KIRREL3: variants seen among roughly 807,000 people sequenced by gnomAD.
KIRREL3 encodes kirre like nephrin family adhesion molecule 3, also known as kin of IRRE-like protein 3.
Under a neutral mutation model 89.7 loss-of-function variants are expected in KIRREL3, and 36 were observed. The observed-to-expected ratio is 0.40, with a 90% CI of 0.31 to 0.53. The LOEUF (loss-of-function observed/expected upper bound fraction) is 0.53, where lower values mean the gene tolerates loss of function less well. Among genes scored for constraint, KIRREL3 ranks in the 20% least tolerant of loss-of-function variants. KIRREL3 has a pLI of 0.49. For synonymous variants in KIRREL3, 445 were observed against 441.4 expected (o/e 1.01, Z -0.10); for missense variants, 864 against 1,056.6 (o/e 0.82, Z 2.53).
In KIRREL3 at chr11:126,624,330, C is replaced by G. The variant is rs937613768; in HGVS notation, c.56-61418G>C. ...TTCTTGTCTTCTCCTCTGATTTCCA[C>G]TAGGAAAAAACAAAACAAAACAAAA... On this transcript the variant is annotated intron_variant, in intron 1 of 16. Transcript: ENST00000525144. The surrounding 1 kb of genome is among the most constrained non-coding windows in gnomAD (Gnocchi z 6.0). 2.6e-5 allele frequency among the ~76,000 whole-genome samples: 4 copies of G among 152,168 alleles called. No individual in the cohort carries two copies. The highest frequency in any genetic ancestry group is 4.4e-5 in the Non-Finnish European group (3 of 67,996).
rs979161461 is a variant in KIRREL3 at position 126,844,682 on chromosome 11, C to G, written c.55+155773G>C. Among the ~76,000 whole-genome samples the G allele has an allele frequency of 2.6e-5, 4 of 152,172 alleles. No individual in the cohort carries two copies. The highest frequency in any genetic ancestry group is 4.4e-5 in the Non-Finnish European group (3 of 68,024). ...TTAGAGGCCTCTCTTGGTAAAGTCT[C>G]TCTCAGCTAAGAATGGGTTTGGCAC... On this transcript the variant is annotated intron_variant, in intron 1 of 16. Transcript: ENST00000525144. This position sits in a 1 kb window ranked among gnomAD's most constrained non-coding sequence, Gnocchi z 4.8.
At chr11:126,871,838 A>G (rs1335849765) in intron 1 of KIRREL3, among the ~76,000 whole-genome samples, 1 of 152,222 alleles carries the variant, frequency 6.6e-6, no homozygotes, top group Non-Finnish European at 1.5e-5. Context: ...CAGGTCCTGA[A>G]CACTGAAGAC....
chr11:126,871,141 T>C (rs1487088684), intron 1 of KIRREL3, among the ~76,000 whole-genome samples: 2 of 152,224 alleles, frequency 1.3e-5, no homozygotes, highest in East Asian at 1.9e-4. Flanking sequence ...AGCGGTGTAC[T>C]GCCACTCAAA....
chr11:126,692,479 A>G (rs1946914277), intron 1 of KIRREL3, among the ~76,000 whole-genome samples: 1 of 121,152 alleles, frequency 8.3e-6, no homozygotes, highest in Non-Finnish European at 1.6e-5. Context: ...CATGAGGCGG[A>G]GGTTGCAGTG....
chr11:126,980,807 T>C (rs906507178), intron 1 of KIRREL3, among the ~76,000 whole-genome samples: 5 of 152,106 alleles, frequency 3.3e-5, no homozygotes, highest in African/African-American at 1.2e-4. Context: ...AGAATGTTGT[T>C]TTAAAAGTGA....
intron 1 of KIRREL3, among the ~76,000 whole-genome samples, chr11:126,818,624 A>AGTAGTGT (rs1555046455): frequency 3.5e-5 from 2 of 56,658 alleles, no homozygotes; most frequent in Non-Finnish European, 6.5e-5. Context: ...TAGTAGTAGT[A>AGTAGTGT]GTGTGTGTGT....
intron 1 of KIRREL3, among the ~76,000 whole-genome samples, chr11:126,741,840 C>T (rs574129208): frequency 6.6e-6 from 1 of 152,328 alleles, no homozygotes; most frequent in South Asian, 2.1e-4. Flanking sequence ...TCTTGGATGG[C>T]TCCCAAATGA....
At position 126,526,599 on chromosome 11, in the gene KIRREL3, G is replaced by A. The variant is rs745333764; in HGVS notation, c.222C>T (p.Tyr74=). ...PVTLLCAIPE[Y]DGFVLWIKDG... is the part of the protein sequence containing the mutation. ...CCTTGATCCACAGAACGAAGCCATCGTATTCGGGGATGGCGCAAAGTAGCG... is the reference window on the plus strand; with the variant it reads ...CCTTGATCCACAGAACGAAGCCATCATATTCGGGGATGGCGCAAAGTAGCG... Residue 74 remains tyrosine, a synonymous_variant, in exon 3 of 17, where the codon TAC becomes TAT. Transcript: ENST00000525144. This position sits in a 1 kb window ranked among gnomAD's most constrained non-coding sequence, Gnocchi z 5.7. 1.5e-4 allele frequency: 249 copies of A among 1,610,880 alleles called. 1 individual carries two copies. The highest frequency in any genetic ancestry group is 2.0e-4 in the Non-Finnish European group (234 of 1,178,742).
intron 1 of KIRREL3, among the ~76,000 whole-genome samples, chr11:126,874,318 C>T (rs1945202357): frequency 6.6e-6 from 1 of 152,264 alleles, no homozygotes; most frequent in African/African-American, 2.4e-5. Context: ...TCCAACCATG[C>T]TTATGAGGGT....
rs1297473109 is a variant in KIRREL3, at chr11:126,570,443, A to G, written c.56-7531T>C. Among the ~76,000 whole-genome samples the G allele has an allele frequency of 6.6e-6, 1 of 152,214 alleles. No individual in the cohort carries two copies. The highest frequency in any genetic ancestry group is 2.4e-5 in the African/African-American group (1 of 41,456). On this transcript the variant is annotated intron_variant, in intron 1 of 16. Coordinates refer to ENST00000525144, the MANE Select transcript of KIRREL3 (RefSeq NM_032531.4). The surrounding 1 kb of genome is among the most constrained non-coding windows in gnomAD (Gnocchi z 6.1). ...GAAATAATGAGTTCTATAACATTTC[A>G]TGTCAAGTTATTGTCAGTTAGGAAG...
intron 3 of KIRREL3, among the ~76,000 whole-genome samples, chr11:126,524,651 A>G (rs1489223349): frequency 1.3e-5 from 2 of 152,214 alleles, no homozygotes; most frequent in African/African-American, 2.4e-5. Context: ...CTAGAAAAAC[A>G]TTTAGGTCTT....
In KIRREL3 at chr11:126,776,537, C is replaced by T. The variant is rs537278218; in HGVS notation, c.56-213625G>A. 1.4e-4 allele frequency among the ~76,000 whole-genome samples: 22 copies of T among 152,256 alleles called. No individual in the cohort carries two copies. In the South Asian group the frequency reaches 4.4e-3, roughly 30 times the overall value. On this transcript the variant is annotated intron_variant, in intron 1 of 16. Transcript: ENST00000525144. The surrounding 1 kb of genome is among the most constrained non-coding windows in gnomAD (Gnocchi z 4.7). ...GGTCTCTACTAGGTGTCAGAGCCGT[C>T]GGTAGGGTTAATGCAGGTCCCTTAA...
chr11:126,945,369 G>A (rs547930135), intron 1 of KIRREL3, among the ~76,000 whole-genome samples: 5 of 152,172 alleles, frequency 3.3e-5, no homozygotes, highest in Admixed American at 6.5e-5. Flanking sequence ...AGAGACTGGG[G>A]AGTGGTTTCC....
intron 1 of KIRREL3, among the ~76,000 whole-genome samples, chr11:126,572,072 C>T (rs1940973656): frequency 6.6e-6 from 1 of 152,226 alleles, no homozygotes; most frequent in Non-Finnish European, 1.5e-5. Flanking sequence ...GCTATGTGTC[C>T]TACCCCTGGG....
intron 1 of KIRREL3, among the ~76,000 whole-genome samples, chr11:126,818,623 T>TGTGTGTG (rs771686378): frequency 4.5e-5 from 1 of 22,468 alleles, no homozygotes; most frequent in African/African-American, 1.3e-4. Flanking sequence ...GTAGTAGTAG[T>TGTGTGTG]AGTGTGTGTG....
rs1001026176 is a variant in KIRREL3 at position 126,996,004 on chromosome 11, C to T, written c.55+4451G>A. 1.3e-5 allele frequency among the ~76,000 whole-genome samples: 2 copies of T among 152,154 alleles called. No homozygotes were observed. The highest frequency in any genetic ancestry group is 6.5e-5 in the Admixed American group (1 of 15,274). ...GGGACCCCATGGTATCCTCTTAGAG[C>T]AATGTGAAGGCCTTGACCCCACCCC... On this transcript the variant is annotated intron_variant, in intron 1 of 16. Transcript: ENST00000525144. This position sits in a 1 kb window ranked among gnomAD's most constrained non-coding sequence, Gnocchi z 4.7.
chr11:126,632,502 C>G (rs1373173443), intron 1 of KIRREL3, among the ~76,000 whole-genome samples: 1 of 152,180 alleles, frequency 6.6e-6, no homozygotes, highest in African/African-American at 2.4e-5. Flanking sequence ...GAAGGCAGCA[C>G]TGAATAGCTT....
rs1218500303 is a variant in KIRREL3 at position 126,526,379 on chromosome 11, G to A, written c.283+159C>T. ...CCCTCAGAGTCTAGGGATGCTGGGTGCAGTGCTTGCCTAGCCTGACTCTGC... is the reference window on the plus strand; with the variant it reads ...CCCTCAGAGTCTAGGGATGCTGGGTACAGTGCTTGCCTAGCCTGACTCTGC... On this transcript the variant is annotated intron_variant, in intron 3 of 16. Transcript: ENST00000525144. This position sits in a 1 kb window ranked among gnomAD's most constrained non-coding sequence, Gnocchi z 5.7. Among the ~76,000 whole-genome samples the A allele has an allele frequency of 6.6e-6, 1 of 152,186 alleles. No individual in the cohort carries two copies. The highest frequency in any genetic ancestry group is 1.5e-5 in the Non-Finnish European group (1 of 68,004).
intron 1 of KIRREL3, among the ~76,000 whole-genome samples, chr11:126,964,557 C>T (rs1224623989): frequency 6.6e-6 from 1 of 152,146 alleles, no homozygotes; most frequent in Non-Finnish European, 1.5e-5. Context: ...ACAATAATCT[C>T]TCCTCAGCAT....
Sources: gnomAD v4.1 joint callset for allele counts (sites outside exome capture counted in the v4.1 genomes callset) on GRCh38, gnomAD v4.1.1 for gene constraint, Gnocchi (gnomAD v3.1) non-coding constraint, MANE v1.5 for transcripts, NCBI Gene and HGNC (gene_info 2026-07-23, HGNC 2026-07-21) for gene names.